MECOM: variants seen among roughly 807,000 people sequenced by gnomAD.
MECOM encodes the protein histone-lysine N-methyltransferase MECOM.
In MECOM, 13 loss-of-function variants were observed where a neutral mutation model predicts 116.3. The observed-to-expected ratio is 0.11, with a 90% CI of 0.07 to 0.18. The LOEUF (loss-of-function observed/expected upper bound fraction) is 0.18, where lower values mean the gene tolerates loss of function less well. MECOM is among the 10% of genes least tolerant of loss of function. The pLI is 1.00. For synonymous variants in MECOM, 528 were observed against 535.2 expected, an observed-to-expected ratio of 0.99 and a Z score of 0.19; for missense variants, 1,299 against 1,509.0, an observed-to-expected ratio of 0.86 and a Z score of 2.31.
At chr3:169,208,350 G>A (rs1267185701) in intron 2 of MECOM, among the ~76,000 whole-genome samples, 1 of 148,702 alleles carries the variant, frequency 6.7e-6, no homozygotes, top group Non-Finnish European at 1.5e-5. Flanking sequence ...CAAAAGATTT[G>A]GGTACATTTA....
intron 2 of MECOM, among the ~76,000 whole-genome samples, chr3:169,363,491 C>G (rs948148139): frequency 6.6e-6 from 1 of 151,864 alleles, no homozygotes; most frequent in Non-Finnish European, 1.5e-5. Context: ...GCTTCTTGAG[C>G]GATCAAGGCA....
At chr3:169,287,257 T>G (rs774411707) in intron 2 of MECOM, among the ~76,000 whole-genome samples, 5 of 152,208 alleles carry the variant, frequency 3.3e-5, no homozygotes, top group Admixed American at 1.3e-4. Flanking sequence ...GGCAGAGGAC[T>G]GCCAGGCTTA....
intron 1 of MECOM, among the ~76,000 whole-genome samples, chr3:169,557,883 T>C (rs1307814385): frequency 6.6e-6 from 1 of 152,214 alleles, no homozygotes; most frequent in Non-Finnish European, 1.5e-5. Context: ...CATAAAAATA[T>C]TAACTAGAAA....
intron 2 of MECOM, among the ~76,000 whole-genome samples, chr3:169,213,960 A>T (rs1348748185): frequency 6.6e-6 from 1 of 152,030 alleles, no homozygotes; most frequent in Non-Finnish European, 1.5e-5. Flanking sequence ...GCCCTTATTT[A>T]TCTTTTTTAG....
chr3:169,094,935 A>T, intron 13 of MECOM, 141 bp downstream of exon 13: 2 of 672,894 alleles, frequency 3.0e-6, no homozygotes, highest in Non-Finnish European at 2.2e-6. Context: ...AAATCTCAAC[A>T]GAAACTTCCT....
At chr3:169,357,107 A>G (rs917609577) in intron 2 of MECOM, among the ~76,000 whole-genome samples, 2 of 151,856 alleles carry the variant, frequency 1.3e-5, no homozygotes, top group African/African-American at 2.4e-5. Context: ...AGGCTTTCAT[A>G]AAAGCTCATA....
At chr3:169,265,600 A>G (rs1758178927) in intron 2 of MECOM, among the ~76,000 whole-genome samples, 2 of 152,206 alleles carry the variant, frequency 1.3e-5, no homozygotes, top group Non-Finnish European at 2.9e-5. Context: ...GGAGTGTGTG[A>G]CATCAGAGAG....
chr3:169,480,786 T>C (rs1011071885), intron 1 of MECOM, among the ~76,000 whole-genome samples: 2 of 152,144 alleles, frequency 1.3e-5, no homozygotes, highest in African/African-American at 2.4e-5. Flanking sequence ...TCTCTGAAGA[T>C]TAAGGGGCAT....
intron 2 of MECOM, among the ~76,000 whole-genome samples, chr3:169,163,854 G>A (rs778516230): frequency 1.4e-4 from 22 of 151,836 alleles, no homozygotes; most frequent in Non-Finnish European, 2.5e-4. Context: ...TCTCAGTTTA[G>A]TAATAAACAT....
At chr3:169,273,780 C>T (rs950196689) in intron 2 of MECOM, among the ~76,000 whole-genome samples, 2 of 151,976 alleles carry the variant, frequency 1.3e-5, no homozygotes, top group Non-Finnish European at 2.9e-5. Flanking sequence ...TACTTACTGG[C>T]AATTTAGCTC....
intron 2 of MECOM, among the ~76,000 whole-genome samples, chr3:169,170,532 T>C (rs960223533): frequency 1.3e-5 from 2 of 152,084 alleles, no homozygotes; most frequent in African/African-American, 4.8e-5. Flanking sequence ...CTCAAATGTA[T>C]ATACACTTTC....
intron 2 of MECOM, among the ~76,000 whole-genome samples, chr3:169,156,946 C>T (rs1018262425): frequency 6.6e-6 from 1 of 152,064 alleles, no homozygotes; most frequent in Non-Finnish European, 1.5e-5. Flanking sequence ...TGTCTAACCA[C>T]GAAACTAACT....
intron 1 of MECOM, among the ~76,000 whole-genome samples, chr3:169,509,176 G>A (rs537636934): frequency 6.6e-6 from 1 of 152,244 alleles, no homozygotes; most frequent in South Asian, 2.1e-4. Flanking sequence ...AAAGTGAATG[G>A]CCCATTTGTC....
chr3:169,395,413 G>T (rs984465544), intron 1 of MECOM, among the ~76,000 whole-genome samples: 3 of 152,146 alleles, frequency 2.0e-5, no homozygotes, highest in African/African-American at 7.2e-5. Flanking sequence ...TACACAAATT[G>T]TGTCCTTAGT....
chr3:169,163,709 A>G (rs1743169692), intron 2 of MECOM, among the ~76,000 whole-genome samples: 1 of 152,162 alleles, frequency 6.6e-6, no homozygotes, highest in Non-Finnish European at 1.5e-5. Context: ...CCAAGGCTAC[A>G]TTATTTCAGA....
At chr3:169,550,758 C>A (rs1016428328) in intron 1 of MECOM, among the ~76,000 whole-genome samples, 6 of 151,930 alleles carry the variant, frequency 3.9e-5, no homozygotes, top group Non-Finnish European at 7.4e-5. Flanking sequence ...TGAAAGTTTC[C>A]ATCAGATTTC....
At chr3:169,290,494 G>T (rs896693334) in intron 2 of MECOM, among the ~76,000 whole-genome samples, 1 of 152,060 alleles carries the variant, frequency 6.6e-6, no homozygotes, top group African/African-American at 2.4e-5. Flanking sequence ...CCCACAGGAT[G>T]CATGAAAAAA....
chr3:169,474,363 T>C (rs539708739), intron 1 of MECOM, among the ~76,000 whole-genome samples: 1 of 152,306 alleles, frequency 6.6e-6, no homozygotes, highest in South Asian at 2.1e-4. Context: ...CATTCTTTCC[T>C]TTTTTCAATA....
intron 2 of MECOM, among the ~76,000 whole-genome samples, chr3:169,266,139 C>A (rs1758270518): frequency 6.6e-6 from 1 of 152,162 alleles, no homozygotes. Context: ...ACATTTAGAT[C>A]ACCATAAATA....
Sources: gnomAD v4.1 joint callset for allele counts (sites outside exome capture counted in the v4.1 genomes callset) on GRCh38, gnomAD v4.1.1 for gene constraint, MANE v1.5 for transcripts, NCBI Gene and HGNC (gene_info 2026-07-23, HGNC 2026-07-21) for gene names.